Variants in SNX3 observed in about 807,000 individuals in gnomAD.
SNX3 encodes sorting nexin 3.
In SNX3, 5 loss-of-function variants were observed where a neutral mutation model predicts 17.7. The observed-to-expected ratio is 0.28, with a 90% confidence interval of 0.15 to 0.59. The LOEUF (loss-of-function observed/expected upper bound fraction) is 0.59, where lower values mean the gene tolerates loss of function less well. SNX3 is among the 20% of genes least tolerant of loss of function. SNX3 has a pLI of 0.88. For missense variants in SNX3, 132 were observed against 206.8 expected, an observed-to-expected ratio of 0.64 and a Z score of 2.22; for synonymous variants, 91 against 76.5, an observed-to-expected ratio of 1.19 and a Z score of -0.99.
chr6:108,260,052 T>C (rs1004871817), intron 1 of SNX3, among the ~76,000 whole-genome samples: 1 of 152,254 alleles, frequency 6.6e-6, no homozygotes, highest in African/African-American at 2.4e-5. Flanking sequence ...TGTTGATTTC[T>C]TTATTCAATT....
At chr6:108,252,205 G>T (rs1225017230) in intron 1 of SNX3, 1 of 152,288 alleles carries the variant, frequency 6.6e-6, no homozygotes, top group Non-Finnish European at 1.5e-5. Flanking sequence ...GGAAGGGATG[G>T]CAGGCACCAC....
intron 1 of SNX3, among the ~76,000 whole-genome samples, chr6:108,250,555 A>G (rs1333180623): frequency 6.6e-6 from 1 of 152,198 alleles, no homozygotes; most frequent in African/African-American, 2.4e-5. Context: ...ACCTGGTGAT[A>G]TACACATACA....
intron 1 of SNX3, among the ~76,000 whole-genome samples, chr6:108,240,770 T>G (rs657669): frequency 6.6e-6 from 1 of 151,988 alleles, no homozygotes; most frequent in Non-Finnish European, 1.5e-5. Flanking sequence ...GGGCAAGCAA[T>G]GAACCAGCAG....
intron 1 of SNX3, among the ~76,000 whole-genome samples, chr6:108,256,676 C>CAGGA (rs1265682671): frequency 1.2e-4 from 18 of 152,204 alleles, no homozygotes; most frequent in Non-Finnish European, 2.1e-4. Context: ...CTGTTCAAAA[C>CAGGA]AGTGGTCTCC....
chr6:108,211,911 G>A lies in SNX3; in HGVS notation c.*238C>T, dbSNP rs368618416. On this transcript the variant is annotated 3_prime_UTR_variant, in exon 4 of 4. Transcript: ENST00000230085. ...TAACAGGTTTGTGAGGCTATAGTGTGCACCACATTAAAACAGCAAGAAAGA... is the reference window on the plus strand; with the variant it reads ...TAACAGGTTTGTGAGGCTATAGTGTACACCACATTAAAACAGCAAGAAAGA... 36 of 393,470 alleles carry A rather than the reference G, an allele frequency of 9.1e-5. No homozygotes were observed. The East Asian group carries it at 1.9e-3, about 21-fold the overall frequency. The allele number at this position is 393,470 out of a possible 1,614,324, so 24.4% of individuals were successfully genotyped here. A position where few individuals can be genotyped will look rare whatever the true frequency, so the allele number is the denominator to read the frequency against.
At chr6:108,260,699 G>A (rs1370513208) in intron 1 of SNX3, 61 bp downstream of exon 1, 7 of 1,594,306 alleles carry the variant, frequency 4.4e-6, no homozygotes, top group African/African-American at 2.7e-5. Flanking sequence ...CTCCCGGGTC[G>A]AGTGGGGGTG....
intron 1 of SNX3, among the ~76,000 whole-genome samples, chr6:108,245,418 A>G (rs1775657814): frequency 6.6e-6 from 1 of 152,154 alleles, no homozygotes; most frequent in Non-Finnish European, 1.5e-5. Flanking sequence ...CAATAAACAT[A>G]CGTGTGCATG....
intron 2 of SNX3, among the ~76,000 whole-genome samples, chr6:108,222,598 AC>A (rs148505503): frequency 0.028 from 4,214 of 152,344 alleles, 199 homozygotes; most frequent in African/African-American, 0.092. Flanking sequence ...AATTGGAAAT[AC>A]ACTGACATTT....
At chr6:108,219,498 C>T (rs1192416810) in intron 2 of SNX3, among the ~76,000 whole-genome samples, 1 of 152,172 alleles carries the variant, frequency 6.6e-6, no homozygotes, top group African/African-American at 2.4e-5. Context: ...GTCCCAGCTA[C>T]TTGGGAGGCT....
intron 1 of SNX3, among the ~76,000 whole-genome samples, chr6:108,229,184 C>T (rs1159935762): frequency 1.4e-5 from 2 of 147,786 alleles, no homozygotes; most frequent in African/African-American, 5.0e-5. Flanking sequence ...CGCTTGAACC[C>T]GGGAGGCGGA....
chr6:108,214,414 G>A, intron 3 of SNX3, 84 bp downstream of exon 3: 1 of 1,334,346 alleles, frequency 7.5e-7, no homozygotes, highest in Non-Finnish European at 1.0e-6. Flanking sequence ...GAAAGAAAAG[G>A]CAACAGTGCA....
At chr6:108,228,532 G>A (rs1011814012) in intron 1 of SNX3, among the ~76,000 whole-genome samples, 2 of 150,140 alleles carry the variant, frequency 1.3e-5, no homozygotes, top group Non-Finnish European at 2.9e-5. Flanking sequence ...GGCAACAAGA[G>A]CGAAACTCTG....
chr6:108,240,085 A>G (rs1775470354), intron 1 of SNX3, among the ~76,000 whole-genome samples: 1 of 152,228 alleles, frequency 6.6e-6, no homozygotes, highest in Non-Finnish European at 1.5e-5. Flanking sequence ...CAATGAAAAA[A>G]CTAGACAAAC....
intron 2 of SNX3, among the ~76,000 whole-genome samples, chr6:108,216,510 C>T (rs1486993595): frequency 2.0e-5 from 3 of 152,206 alleles, no homozygotes; most frequent in African/African-American, 7.2e-5. Context: ...ACTGGGCATA[C>T]AACAGAAGCT....
At chr6:108,258,871 AAG>A (rs1176839845) in intron 1 of SNX3, among the ~76,000 whole-genome samples, 1 of 152,130 alleles carries the variant, frequency 6.6e-6, no homozygotes, top group African/African-American at 2.4e-5. Flanking sequence ...TTAAAAAAAA[AAG>A]AGGATTAAAT....
chr6:108,217,477 G>C (rs1347057309), intron 2 of SNX3, among the ~76,000 whole-genome samples: 1 of 152,102 alleles, frequency 6.6e-6, no homozygotes, highest in Non-Finnish European at 1.5e-5. Context: ...ACACCAGGTT[G>C]GGTGCGGTAG....
intron 2 of SNX3, chr6:108,222,229 C>T (rs1774806776): frequency 7.7e-7 from 1 of 1,304,110 alleles, no homozygotes; most frequent in Admixed American, 2.3e-5. Context: ...CACCTTTTTA[C>T]CTACTTTCTA....
Position 108,261,031 on chromosome 6 carries a change from T to C in SNX3, c.-110A>G, listed in dbSNP as rs1363933473. 9.2e-7 allele frequency: 1 copy of C among 1,089,466 alleles called. No homozygotes were observed. Among genetic ancestry groups the C allele is most frequent in the Non-Finnish European group, 1.2e-6 (1 of 821,646 alleles). The allele number at this position is 1,089,466 out of a possible 1,614,324, so 67.5% of individuals were successfully genotyped here. A position where few individuals can be genotyped will look rare whatever the true frequency, so the allele number is the denominator to read the frequency against. On this transcript the variant is annotated 5_prime_UTR_variant, in exon 1 of 4. Transcript: ENST00000230085. ...GGGACACGGGGCTCGCGCGCAGCGG[T>C]CGCGAAGAGAACGAGCACGTAGAGC...
At chr6:108,213,135 C>G (rs1415027501) in intron 3 of SNX3, among the ~76,000 whole-genome samples, 1 of 151,742 alleles carries the variant, frequency 6.6e-6, no homozygotes, top group African/African-American at 2.4e-5. Flanking sequence ...GTGATCTGCC[C>G]ACCTCGGCCT....
Sources: gnomAD v4.1 joint callset for allele counts (sites outside exome capture counted in the v4.1 genomes callset) on GRCh38, gnomAD v4.1.1 for gene constraint, MANE v1.5 for transcripts, NCBI Gene and HGNC (gene_info 2026-07-23, HGNC 2026-07-21) for gene names.